SFMBT2: variants seen among roughly 807,000 people sequenced by gnomAD.
SFMBT2 encodes Scm like with four mbt domains 2, also known as scm-like with four MBT domains protein 2.
SFMBT2 carries 38 observed loss-of-function variants against 110.1 expected under a neutral mutation model. That is an observed-to-expected ratio of 0.35 (90% confidence interval 0.27 to 0.45). SFMBT2 has a LOEUF of 0.45. Ranked by LOEUF, SFMBT2 falls within the 20% of genes least tolerant of loss-of-function variation. SFMBT2 has a pLI of 1.00. For missense variants in SFMBT2, 1,011 were observed against 1,094.9 expected (o/e 0.92, Z 1.08); for synonymous variants, 425 against 425.4 (o/e 1.00, Z 0.01).
chr10:7,345,391 C>T (rs1332811906), intron 4 of SFMBT2, among the ~76,000 whole-genome samples: 1 of 152,184 alleles, frequency 6.6e-6, no homozygotes, highest in East Asian at 1.9e-4. Context: ...CAGAGTCTAG[C>T]TCTGTCACCC....
At chr10:7,319,716 AAG>A (rs1843114740) in intron 4 of SFMBT2, among the ~76,000 whole-genome samples, 1 of 142,470 alleles carries the variant, frequency 7.0e-6, no homozygotes, top group African/African-American at 2.7e-5. Flanking sequence ...GATAGACTGA[AAG>A]AGACAGAGAG....
At chr10:7,173,620 A>G (rs1435442495) in intron 17 of SFMBT2, among the ~76,000 whole-genome samples, 3 of 152,218 alleles carry the variant, frequency 2.0e-5, no homozygotes, top group African/African-American at 7.2e-5. Flanking sequence ...AGTAGTGATT[A>G]ATGTTTTTTA....
intron 16 of SFMBT2, among the ~76,000 whole-genome samples, chr10:7,181,969 T>C (rs1838257166): frequency 2.0e-5 from 3 of 152,216 alleles, no homozygotes; most frequent in African/African-American, 7.2e-5. Context: ...TTACATGATC[T>C]TCCCAGGCAC....
chr10:7,359,258 A>G (rs905995749), intron 4 of SFMBT2, among the ~76,000 whole-genome samples: 1 of 152,232 alleles, frequency 6.6e-6, no homozygotes, highest in Non-Finnish European at 1.5e-5. Context: ...GAACGGGGCC[A>G]GATGGGAGCT....
chr10:7,350,273 C>T (rs1295648142), intron 4 of SFMBT2, among the ~76,000 whole-genome samples: 1 of 152,028 alleles, frequency 6.6e-6, no homozygotes, highest in African/African-American at 2.4e-5. Context: ...TCTGGCCAGT[C>T]CCAATCACGA....
chr10:7,190,146 C>T (rs1174544501), intron 15 of SFMBT2, among the ~76,000 whole-genome samples: 1 of 152,156 alleles, frequency 6.6e-6, no homozygotes, highest in Non-Finnish European at 1.5e-5. Context: ...GAGAATGTGG[C>T]TTGCCAAGGT....
rs181906580 is a variant in SFMBT2, at chr10:7,341,943, G to A, written c.436+25706C>T. Among the ~76,000 whole-genome samples, 711 of 152,284 alleles carry A rather than the reference G, an allele frequency of 4.7e-3. 4 individuals carry two copies. Among genetic ancestry groups the A allele is most frequent in the Middle Eastern group, 0.01 (3 of 294 alleles). On this transcript the variant is annotated intron_variant, in intron 4 of 20. Transcript: ENST00000397167. ...CATTTTGCCATTCTTTTAGCAAAAG[G>A]AAAGGTGCCAACCAGAGCAAATAGT...
At chr10:7,202,626 C>A in intron 12 of SFMBT2, 104 bp from the exon 13 acceptor site, 2 of 1,582,772 alleles carry the variant, frequency 1.3e-6, no homozygotes, top group Non-Finnish European at 1.7e-6. Flanking sequence ...TTTAAAGTAG[C>A]AATTTAAATG....
At chr10:7,391,073 C>G (rs1845749185) in intron 1 of SFMBT2, among the ~76,000 whole-genome samples, 1 of 152,010 alleles carries the variant, frequency 6.6e-6, no homozygotes, top group Non-Finnish European at 1.5e-5. Flanking sequence ...GCACTCCAGC[C>G]TGGGCAACAG....
intron 4 of SFMBT2, among the ~76,000 whole-genome samples, chr10:7,320,338 C>T (rs1269062778): frequency 6.6e-6 from 1 of 152,178 alleles, no homozygotes; most frequent in Non-Finnish European, 1.5e-5. Context: ...GTGTTCTCTA[C>T]CATCTTGCCC....
At chr10:7,252,648 A>C (rs994067007) in intron 7 of SFMBT2, among the ~76,000 whole-genome samples, 3 of 152,194 alleles carry the variant, frequency 2.0e-5, no homozygotes, top group Non-Finnish European at 2.9e-5. Context: ...TTTAAGAATA[A>C]TGCTCAGTGA....
At chr10:7,216,462 G>C (rs1839544471) in intron 11 of SFMBT2, among the ~76,000 whole-genome samples, 2 of 152,202 alleles carry the variant, frequency 1.3e-5, no homozygotes, top group South Asian at 4.1e-4. Flanking sequence ...CTTCCGCCAT[G>C]ATTGTGAGGC....
chr10:7,187,636 T>G (rs1428541025), intron 16 of SFMBT2, among the ~76,000 whole-genome samples: 1 of 152,246 alleles, frequency 6.6e-6, no homozygotes, highest in Middle Eastern at 3.2e-3. Flanking sequence ...AGTGGATTGC[T>G]GGCAATGAAT....
intron 6 of SFMBT2, chr10:7,277,545 A>C (rs1841821213): frequency 5.3e-6 from 1 of 188,380 alleles, no homozygotes; most frequent in Admixed American, 6.5e-5. Flanking sequence ...ATGTTGCTTA[A>C]CACACCACAT....
intron 17 of SFMBT2, among the ~76,000 whole-genome samples, chr10:7,175,169 G>A (rs1416236207): frequency 6.6e-6 from 1 of 152,218 alleles, no homozygotes. Flanking sequence ...TAACTTCCAG[G>A]TCACTCCCCC....
intron 4 of SFMBT2, among the ~76,000 whole-genome samples, chr10:7,326,094 G>T (rs1388861912): frequency 1.3e-5 from 2 of 152,160 alleles, no homozygotes; most frequent in Non-Finnish European, 2.9e-5. Context: ...TATCAACAGG[G>T]ATATTGTAGT....
intron 11 of SFMBT2, among the ~76,000 whole-genome samples, chr10:7,215,228 C>A (rs1192231024): frequency 5.3e-5 from 8 of 152,034 alleles, no homozygotes; most frequent in Non-Finnish European, 1.2e-4. Flanking sequence ...TAGTGGGACC[C>A]GCATCTCTAC....
intron 13 of SFMBT2, 41 bp downstream of exon 13, chr10:7,202,439 A>T (rs1365109468): frequency 3.7e-6 from 6 of 1,613,282 alleles, no homozygotes; most frequent in Non-Finnish European, 4.2e-6. Context: ...ACTACAGTTT[A>T]TCGGTATACA....
chr10:7,208,166 A>T (rs1247714391), intron 11 of SFMBT2, among the ~76,000 whole-genome samples: 1 of 152,164 alleles, frequency 6.6e-6, no homozygotes, highest in Non-Finnish European at 1.5e-5. Context: ...AGAGGCATCC[A>T]ATGTGGAAGT....
Sources: gnomAD v4.1 joint callset for allele counts (sites outside exome capture counted in the v4.1 genomes callset) on GRCh38, gnomAD v4.1.1 for gene constraint, MANE v1.5 for transcripts, NCBI Gene and HGNC (gene_info 2026-07-23, HGNC 2026-07-21) for gene names.